Variants in ICA1L observed in about 807,000 individuals in gnomAD.
ICA1L encodes the protein islet cell autoantigen 1 like.
ICA1L carries 50 observed loss-of-function variants against 61.3 expected under a neutral mutation model. That is an observed-to-expected ratio of 0.82 (90% CI 0.65 to 1.03). The LOEUF is 1.03. Among genes scored for constraint, ICA1L ranks in the 50% least tolerant of loss-of-function variants. The pLI is 0.00. For synonymous variants in ICA1L, 161 were observed against 191.3 expected (o/e 0.84, Z 1.31); for missense variants, 508 against 556.7 (o/e 0.91, Z 0.88).
intron 10 of ICA1L, among the ~76,000 whole-genome samples, chr2:202,795,916 G>C (rs1009470598): frequency 6.6e-6 from 1 of 151,998 alleles, no homozygotes; most frequent in Non-Finnish European, 1.5e-5. Context: ...GGTGGCGCAC[G>C]CCTGTAATCC....
chr2:202,783,890 T>G (rs1305248479), intron 12 of ICA1L, among the ~76,000 whole-genome samples: 9 of 151,268 alleles, frequency 5.9e-5, no homozygotes. Context: ...CAGAAGAAAT[T>G]TATATGTATA....
chr2:202,864,820 A>T (rs1432033477), intron 1 of ICA1L, among the ~76,000 whole-genome samples: 1 of 152,068 alleles, frequency 6.6e-6, no homozygotes, highest in Non-Finnish European at 1.5e-5. Flanking sequence ...GGAGTTCCAG[A>T]GGAGCCTGGC....
chr2:202,802,803 G>T (rs72932752), intron 9 of ICA1L, among the ~76,000 whole-genome samples: 13,975 of 151,962 alleles, frequency 0.092, 765 homozygotes, highest in Non-Finnish European at 0.13. Context: ...TTGTAGAAAA[G>T]TAGAAAAATC....
At chr2:202,843,961 C>G (rs542008573) in intron 1 of ICA1L, among the ~76,000 whole-genome samples, 1 of 152,304 alleles carries the variant, frequency 6.6e-6, no homozygotes, top group South Asian at 2.1e-4. Flanking sequence ...TTATCAGAAG[C>G]AATGAATGTG....
At chr2:202,784,429 T>C (rs558745119) in intron 12 of ICA1L, among the ~76,000 whole-genome samples, 21 of 152,234 alleles carry the variant, frequency 1.4e-4, no homozygotes, top group South Asian at 8.3e-4. Context: ...TGGGCGACTC[T>C]GTCTCCAAAA....
Position 202,773,860 on chromosome 2 carries a change from C to T in ICA1L, c.*5673G>A, listed in dbSNP as rs1238435169. 1.5e-6 allele frequency: 2 copies of T among 1,329,772 alleles called. No individual in the cohort carries two copies. Among genetic ancestry groups the T allele is most frequent in the Non-Finnish European group, 2.2e-6 (2 of 924,622 alleles). 82.4% of individuals were successfully genotyped at this position (1,329,772 alleles called of 1,614,324 possible). ...CAGCCCTGTGGGAAGTTTTCTTCTA[C>T]AGAGGCTGAGTGGAACAGTCCTGCT... On this transcript the variant is annotated 3_prime_UTR_variant, in exon 13 of 13. Transcript: ENST00000358299.
rs571270193 is a variant in ICA1L at position 202,824,756 on chromosome 2, TAAA to T, written c.235+936_235+938del. ...CCATGTCCAGCAGGCCCACTGTAATTAAAAAAGGAGAAGAGATCCAAAGATTGA... is the reference window on the plus strand; with the variant it reads ...CCATGTCCAGCAGGCCCACTGTAATTAAAGGAGAAGAGATCCAAAGATTGA... On this transcript the variant is annotated intron_variant, in intron 3 of 12. Coordinates refer to ENST00000358299, the MANE Select transcript of ICA1L (RefSeq NM_001288622.3). Among the ~76,000 whole-genome samples the T allele has an allele frequency of 7.5e-4, 114 of 152,046 alleles. 2 individuals are homozygous for T. Among genetic ancestry groups the T allele is most frequent in the Non-Finnish European group, 7.2e-4 (49 of 67,990 alleles).
At chr2:202,858,188 C>T (rs1022897543) in intron 1 of ICA1L, among the ~76,000 whole-genome samples, 3 of 152,154 alleles carry the variant, frequency 2.0e-5, no homozygotes, top group African/African-American at 7.2e-5. Context: ...TATTGTAGCA[C>T]TATTTACAAT....
At chr2:202,816,042 T>G in intron 6 of ICA1L, 33 bp from the exon 7 acceptor site, 1 of 1,371,988 alleles carries the variant, frequency 7.3e-7, no homozygotes, top group Non-Finnish European at 1.0e-6. Flanking sequence ...ACTACAGTTC[T>G]GCTTCCCCTC....
intron 2 of ICA1L, among the ~76,000 whole-genome samples, chr2:202,827,653 T>G (rs1275168946): frequency 6.6e-6 from 1 of 152,186 alleles, no homozygotes; most frequent in African/African-American, 2.4e-5. Context: ...ACCTTATATA[T>G]TCCCACTTCT....
At chr2:202,800,383 C>G (rs1400927087) in intron 9 of ICA1L, among the ~76,000 whole-genome samples, 1 of 152,052 alleles carries the variant, frequency 6.6e-6, no homozygotes, top group Non-Finnish European at 1.5e-5. Context: ...GTCAAATATA[C>G]AAACCAAAAC....
intron 9 of ICA1L, among the ~76,000 whole-genome samples, chr2:202,805,128 A>T (rs977941967): frequency 5.9e-5 from 9 of 152,196 alleles, no homozygotes; most frequent in Admixed American, 2.6e-4. Context: ...CACATATTAG[A>T]TGATTCTACT....
chr2:202,819,513 A>G (rs1029720358), intron 5 of ICA1L, 188 bp downstream of exon 5: 32 of 582,372 alleles, frequency 5.5e-5, no homozygotes, highest in African/African-American at 5.2e-4. Context: ...TGGTGTGAAG[A>G]TGCCACTCCA....
intron 1 of ICA1L, among the ~76,000 whole-genome samples, chr2:202,838,739 A>G (rs1694222394): frequency 1.3e-5 from 2 of 152,156 alleles, no homozygotes; most frequent in African/African-American, 4.8e-5. Context: ...GAAATACCTG[A>G]AGCTGGGTAA....
intron 1 of ICA1L, among the ~76,000 whole-genome samples, chr2:202,859,290 G>C (rs1399770511): frequency 6.6e-6 from 1 of 152,158 alleles, no homozygotes; most frequent in Non-Finnish European, 1.5e-5. Flanking sequence ...TTTCAGGTCA[G>C]ATCTTAATTA....
At chr2:202,820,631 G>A (rs1218413284) in intron 4 of ICA1L, among the ~76,000 whole-genome samples, 1 of 152,222 alleles carries the variant, frequency 6.6e-6, no homozygotes. Flanking sequence ...CTTAGCAGCT[G>A]AGGATGAGGA....
Position 202,788,944 on chromosome 2 carries a change from C to CA in ICA1L, c.1128dup (p.Ala377CysfsTer13). ...GAAGGCTCCTGGGATGTGAGACTGG[C>CA]ACTGGGGCTCCCAAAGGCAGTCTGG... On this transcript the variant is annotated frameshift_variant, in exon 11 of 13. Coordinates refer to ENST00000358299, the MANE Select transcript of ICA1L (RefSeq NM_001288622.3). LOFTEE classifies it high-confidence loss of function. 1 of 1,614,124 alleles carries CA rather than the reference C, an allele frequency of 6.2e-7. No homozygotes were observed. The highest frequency in any genetic ancestry group is 8.5e-7 in the Non-Finnish European group (1 of 1,180,008).
At chr2:202,792,215 G>A (rs189188755) in intron 10 of ICA1L, among the ~76,000 whole-genome samples, 2 of 152,184 alleles carry the variant, frequency 1.3e-5, no homozygotes, top group East Asian at 3.9e-4. Context: ...GCAAAGATGT[G>A]GAGAAACTAG....
At chr2:202,787,741 C>A (rs946616347) in intron 11 of ICA1L, among the ~76,000 whole-genome samples, 1 of 152,062 alleles carries the variant, frequency 6.6e-6, no homozygotes, top group Non-Finnish European at 1.5e-5. Context: ...CGTGAGGGGT[C>A]CCCCCGTCCA....
Sources: gnomAD v4.1 joint callset for allele counts (sites outside exome capture counted in the v4.1 genomes callset) on GRCh38, gnomAD v4.1.1 for gene constraint, MANE v1.5 for transcripts, NCBI Gene and HGNC (gene_info 2026-07-23, HGNC 2026-07-21) for gene names.